HS6ST3: variants seen among roughly 807,000 people sequenced by gnomAD.
HS6ST3 encodes the protein heparan-sulfate 6-O-sulfotransferase 3.
In HS6ST3, 12 loss-of-function variants were observed where a neutral mutation model predicts 36.7. The observed-to-expected ratio is 0.33, with a 90% confidence interval of 0.21 to 0.53. HS6ST3 has a LOEUF of 0.53. Ranked by LOEUF, HS6ST3 falls within the 20% of genes least tolerant of loss-of-function variation. The probability of loss-of-function intolerance (pLI) is 0.95; values close to 1 mark genes in which losing one functional copy is unlikely to be tolerated. For synonymous variants in HS6ST3, 240 were observed against 257.5 expected (o/e 0.93, Z 0.65); for missense variants, 584 against 640.9 (o/e 0.91, Z 0.96).
At chr13:96,325,276 T>G (rs968312652) in intron 1 of HS6ST3, among the ~76,000 whole-genome samples, 1 of 152,198 alleles carries the variant, frequency 6.6e-6, no homozygotes, top group African/African-American at 2.4e-5. Context: ...CCTTCAGCGT[T>G]TTCTAAGGTA....
chr13:96,683,677 C>T (rs1207463352), intron 1 of HS6ST3, among the ~76,000 whole-genome samples: 1 of 151,966 alleles, frequency 6.6e-6, no homozygotes, highest in African/African-American at 2.4e-5. Context: ...CATATGTTTA[C>T]TTTCTATTGA....
chr13:96,464,107 G>T (rs1490800386), intron 1 of HS6ST3, among the ~76,000 whole-genome samples: 1 of 84,934 alleles, frequency 1.2e-5, no homozygotes, highest in African/African-American at 5.0e-5. Context: ...TTTTATCTGA[G>T]TTACCTCCTC....
chr13:96,265,239 G>C (rs921561325), intron 1 of HS6ST3, among the ~76,000 whole-genome samples: 9 of 151,828 alleles, frequency 5.9e-5, no homozygotes, highest in Non-Finnish European at 1.0e-4. Context: ...GCAGTTATGT[G>C]ATCATGGCTC....
chr13:96,315,687 T>C (rs1294401328), intron 1 of HS6ST3, among the ~76,000 whole-genome samples: 1 of 152,124 alleles, frequency 6.6e-6, no homozygotes, highest in Non-Finnish European at 1.5e-5. Context: ...GCCATTTTTT[T>C]TTAAAAAAAG....
chr13:96,492,466 A>G (rs1784181582), intron 1 of HS6ST3, among the ~76,000 whole-genome samples: 1 of 152,210 alleles, frequency 6.6e-6, no homozygotes, highest in Non-Finnish European at 1.5e-5. Flanking sequence ...AGTTGGGGGC[A>G]TATCTTTCAA....
At chr13:96,145,371 T>A (rs1225495838) in intron 1 of HS6ST3, among the ~76,000 whole-genome samples, 3 of 151,034 alleles carry the variant, frequency 2.0e-5, no homozygotes, top group East Asian at 3.9e-4. Flanking sequence ...TGGTATCTCA[T>A]TGTGGTTTTG....
intron 1 of HS6ST3, among the ~76,000 whole-genome samples, chr13:96,581,488 C>G (rs1408353617): frequency 1.3e-5 from 2 of 152,060 alleles, no homozygotes; most frequent in Admixed American, 6.6e-5. Context: ...TCCCAAAGCT[C>G]TGGGATTACA....
At chr13:96,248,925 A>G (rs1220204679) in intron 1 of HS6ST3, among the ~76,000 whole-genome samples, 1 of 152,164 alleles carries the variant, frequency 6.6e-6, no homozygotes, top group Non-Finnish European at 1.5e-5. Flanking sequence ...TCTGCCATCT[A>G]GTGTAATTGA....
chr13:96,388,043 C>T (rs1424721869), intron 1 of HS6ST3, among the ~76,000 whole-genome samples: 1 of 152,204 alleles, frequency 6.6e-6, no homozygotes, highest in Non-Finnish European at 1.5e-5. Flanking sequence ...GTCAACTACC[C>T]TCTGGTTTGC....
chr13:96,768,366 A>G (rs765821957), intron 1 of HS6ST3, among the ~76,000 whole-genome samples: 5 of 152,170 alleles, frequency 3.3e-5, no homozygotes, highest in African/African-American at 1.2e-4. Context: ...AATTGCCGAC[A>G]GTGATTTGGG....
intron 1 of HS6ST3, among the ~76,000 whole-genome samples, chr13:96,168,860 C>T (rs910405319): frequency 1.3e-5 from 2 of 152,100 alleles, no homozygotes; most frequent in Non-Finnish European, 2.9e-5. Context: ...GCTTCTACTG[C>T]ACCCATCACC....
chr13:96,122,613 T>C (rs1478986498), intron 1 of HS6ST3, among the ~76,000 whole-genome samples: 1 of 152,126 alleles, frequency 6.6e-6, no homozygotes, highest in Non-Finnish European at 1.5e-5. Flanking sequence ...ATTTAAAACA[T>C]ATAATGAAAA....
chr13:96,277,699 T>C (rs1008130134), intron 1 of HS6ST3, among the ~76,000 whole-genome samples: 1 of 152,184 alleles, frequency 6.6e-6, no homozygotes, highest in Non-Finnish European at 1.5e-5. Flanking sequence ...ATCATAAAAT[T>C]ATATTTATAC....
At chr13:96,396,494 A>C (rs1329200606) in intron 1 of HS6ST3, among the ~76,000 whole-genome samples, 1 of 152,004 alleles carries the variant, frequency 6.6e-6, no homozygotes, top group Non-Finnish European at 1.5e-5. Flanking sequence ...TGGCATATAG[A>C]TATATAGGTT....
chr13:96,726,640 A>G (rs1434210975), intron 1 of HS6ST3, among the ~76,000 whole-genome samples: 1 of 152,132 alleles, frequency 6.6e-6, no homozygotes, highest in Non-Finnish European at 1.5e-5. Context: ...CAATAATGTT[A>G]TCTGTGGGGA....
intron 1 of HS6ST3, among the ~76,000 whole-genome samples, chr13:96,745,164 C>T (rs1334883180): frequency 6.6e-6 from 1 of 152,036 alleles, no homozygotes; most frequent in Non-Finnish European, 1.5e-5. Flanking sequence ...ACTGCTCCTG[C>T]CATCCATGCA....
chr13:96,501,828 T>A (rs993933191), intron 1 of HS6ST3, among the ~76,000 whole-genome samples: 1 of 152,248 alleles, frequency 6.6e-6, no homozygotes, highest in Non-Finnish European at 1.5e-5. Context: ...TTTAGGGCTT[T>A]AGCAAACTTG....
At chr13:96,787,075 A>G (rs1408610329) in intron 1 of HS6ST3, among the ~76,000 whole-genome samples, 1 of 152,178 alleles carries the variant, frequency 6.6e-6, no homozygotes, top group Non-Finnish European at 1.5e-5. Flanking sequence ...GTTATTAATG[A>G]GCAACATTCC....
intron 1 of HS6ST3, among the ~76,000 whole-genome samples, chr13:96,748,439 T>C (rs1876615550): frequency 6.6e-6 from 1 of 152,146 alleles, no homozygotes; most frequent in Admixed American, 6.6e-5. Flanking sequence ...GCAAAAGTCC[T>C]AAGTTAATAT....
Sources: gnomAD v4.1 joint callset for allele counts (sites outside exome capture counted in the v4.1 genomes callset) on GRCh38, gnomAD v4.1.1 for gene constraint, MANE v1.5 for transcripts, NCBI Gene and HGNC (gene_info 2026-07-23, HGNC 2026-07-21) for gene names.